NAT1: variants seen among roughly 807,000 people sequenced by gnomAD.
NAT1 encodes the protein N-acetyltransferase 1.
For missense variants in NAT1, 400 were observed against 339.2 expected, an observed-to-expected ratio of 1.18 and a Z score of -1.41; for synonymous variants, 144 against 122.6, an observed-to-expected ratio of 1.17 and a Z score of -1.16.
chr8:18,219,583 G>C, intron 2 of NAT1, 94 bp downstream of exon 2: 1 of 669,230 alleles, frequency 1.5e-6, no homozygotes, highest in Non-Finnish European at 2.6e-6. Flanking sequence ...AGATGAAAGG[G>C]AGGGATGTAT....
chr8:18,215,390 A>C lies in NAT1; in HGVS notation c.-85-4021A>C, dbSNP rs950001915. ...TATCATTTCATTAGCCTTTAGTAGGAATATCAAGCTTTTCTGCCACATAAG... is the reference window on the plus strand; with the variant it reads ...TATCATTTCATTAGCCTTTAGTAGGCATATCAAGCTTTTCTGCCACATAAG... On this transcript the variant is annotated intron_variant, in intron 1 of 2. Transcript: ENST00000307719. Among the ~76,000 whole-genome samples, 3 of 152,238 alleles carry C rather than the reference A, an allele frequency of 2.0e-5. No homozygotes were observed. In the South Asian group the frequency reaches 6.2e-4, roughly 32 times the overall value.
At position 18,193,067 on chromosome 8, in the gene NAT1, A is replaced by ATT. The variant is rs1167481551; in HGVS notation, n.93-16688_93-16687dup. On this transcript the variant is annotated intron_variant and non_coding_transcript_variant, in intron 2 of 4. Coordinates refer to the NAT1 transcript ENST00000517441. ...AGATGTTAAGATCTAATGAATTAGA[A>ATT]TTTTTTTTTTTTTTTTTTTTTTTTT... Among the ~76,000 whole-genome samples, 26 of 79,634 alleles carry ATT rather than the reference A, an allele frequency of 3.3e-4. 1 individual carries two copies. Among genetic ancestry groups the ATT allele is most frequent in the Non-Finnish European group, 4.4e-4 (20 of 45,534 alleles). 52.2% of individuals were successfully genotyped at this position (79,634 alleles called of 152,430 possible). A position where few individuals can be genotyped will look rare whatever the true frequency, so the allele number is the denominator to read the frequency against.
upstream of NAT1, among the ~76,000 whole-genome samples, chr8:18,209,141 C>T (rs530618186): frequency 7.2e-5 from 11 of 152,310 alleles, no homozygotes; most frequent in African/African-American, 2.6e-4. Context: ...GATATGTGGC[C>T]TCCAACTCCC....
chr8:18,201,254 T>C (rs1456948353), intron 2 of NAT1: 1 of 152,216 alleles, frequency 6.6e-6, no homozygotes, highest in Non-Finnish European at 1.5e-5. Context: ...TCATTTGTTT[T>C]GGTTTAAACT....
At chr8:18,185,278 C>T (rs1260920844) in intron 2 of NAT1, among the ~76,000 whole-genome samples, 3 of 151,964 alleles carry the variant, frequency 2.0e-5, no homozygotes, top group Non-Finnish European at 4.4e-5. Flanking sequence ...CCATCTAGGC[C>T]GGATGTTCTG....
chr8:18,196,313 A>T (rs1803231702), intron 2 of NAT1, among the ~76,000 whole-genome samples: 1 of 152,268 alleles, frequency 6.6e-6, no homozygotes, highest in East Asian at 1.9e-4. Flanking sequence ...TAAATGCCCC[A>T]AGAATAATGA....
chr8:18,204,481 A>G (rs1444708925), intron 2 of NAT1, among the ~76,000 whole-genome samples: 1 of 152,232 alleles, frequency 6.6e-6, no homozygotes, highest in East Asian at 1.9e-4. Flanking sequence ...TGAACCATTT[A>G]AGTAACTTTA....
intron 1 of NAT1, among the ~76,000 whole-genome samples, chr8:18,215,387 A>G (rs1169242175): frequency 1.3e-5 from 2 of 152,212 alleles, no homozygotes; most frequent in East Asian, 3.8e-4. Flanking sequence ...AGCCTTTAGT[A>G]GGAATATCAA....
intron 2 of NAT1, among the ~76,000 whole-genome samples, chr8:18,181,349 A>G (rs911864792): frequency 2.0e-5 from 3 of 152,188 alleles, no homozygotes; most frequent in African/African-American, 7.2e-5. Context: ...AATCCCTATC[A>G]AAATAACCAT....
At chr8:18,176,608 G>C (rs10107352) in intron 2 of NAT1, among the ~76,000 whole-genome samples, 1 of 150,044 alleles carries the variant, frequency 6.7e-6, no homozygotes, top group Non-Finnish European at 1.5e-5. Flanking sequence ...GTTTTGTTTT[G>C]TTTTTACAAT....
chr8:18,190,643 A>C (rs75096132), intron 2 of NAT1, among the ~76,000 whole-genome samples: 1 of 152,216 alleles, frequency 6.6e-6, no homozygotes, highest in African/African-American at 2.4e-5. Context: ...CCACTGCTGA[A>C]ATAGCATGTG....
At chr8:18,184,818 T>G (rs946124077) in intron 2 of NAT1, among the ~76,000 whole-genome samples, 3 of 152,204 alleles carry the variant, frequency 2.0e-5, no homozygotes, top group African/African-American at 7.2e-5. Flanking sequence ...ATGTGGATCC[T>G]GCATTCTACT....
At chr8:18,184,163 T>C (rs1449744278) in intron 2 of NAT1, among the ~76,000 whole-genome samples, 1 of 152,166 alleles carries the variant, frequency 6.6e-6, no homozygotes, top group Admixed American at 6.5e-5. Flanking sequence ...ATAACATCCT[T>C]TGAAGTCTTG....
chr8:18,220,865 A>G (rs111675604), intron 2 of NAT1, among the ~76,000 whole-genome samples: 126 of 152,298 alleles, frequency 8.3e-4, no homozygotes, highest in African/African-American at 2.9e-3. Context: ...GTTATCCATG[A>G]GCCAAGCACT....
chr8:18,215,899 T>C (rs991040601), intron 1 of NAT1, among the ~76,000 whole-genome samples: 16 of 152,138 alleles, frequency 1.1e-4, no homozygotes, highest in Non-Finnish European at 7.3e-5. Context: ...TTTGCCAAAG[T>C]TAAGGATGTG....
At chr8:18,173,262 G>T (rs1051089881) in intron 2 of NAT1, among the ~76,000 whole-genome samples, 1 of 152,154 alleles carries the variant, frequency 6.6e-6, no homozygotes, top group African/African-American at 2.4e-5. Flanking sequence ...CATGGGTGCA[G>T]CTGCAACTTG....
chr8:18,212,662 G>A (rs887639799), intron 1 of NAT1: 1 of 152,300 alleles, frequency 6.6e-6, no homozygotes, highest in Admixed American at 6.5e-5. Flanking sequence ...GCAGCTTCAG[G>A]AGCCCTTGGG....
intron 2 of NAT1, among the ~76,000 whole-genome samples, chr8:18,184,796 A>G (rs1392055480): frequency 4.6e-5 from 7 of 152,080 alleles, no homozygotes. Flanking sequence ...TGGCCCTTCC[A>G]CTTTCTGCCA....
At chr8:18,221,050 C>G (rs149771195) in intron 2 of NAT1, among the ~76,000 whole-genome samples, 45 of 152,284 alleles carry the variant, frequency 3.0e-4, no homozygotes, top group African/African-American at 7.2e-4. Flanking sequence ...TTTCTCATTT[C>G]ACTTACAGTA....
Sources: gnomAD v4.1 joint callset for allele counts (sites outside exome capture counted in the v4.1 genomes callset) on GRCh38, gnomAD v4.1.1 for gene constraint, MANE v1.5 for transcripts, NCBI Gene and HGNC (gene_info 2026-07-23, HGNC 2026-07-21) for gene names.